RXFP1: variants seen among roughly 807,000 people sequenced by gnomAD.
The protein encoded by RXFP1 is relaxin family peptide receptor 1, also known as relaxin receptor 1.
Under a neutral mutation model 89.8 loss-of-function variants are expected in RXFP1, and 73 were observed. That is an observed-to-expected ratio of 0.81 (90% confidence interval 0.67 to 0.99). RXFP1 has a LOEUF of 0.99. Among genes scored for constraint, RXFP1 ranks in the 50% least tolerant of loss-of-function variants. The probability of loss-of-function intolerance (pLI) is 0.00; values close to 1 mark genes in which losing one functional copy is unlikely to be tolerated. For missense variants in RXFP1, 793 were observed against 895.5 expected, an observed-to-expected ratio of 0.89 and a Z score of 1.46; for synonymous variants, 277 against 305.5, an observed-to-expected ratio of 0.91 and a Z score of 0.97.
Position 158,527,840 on chromosome 4 carries a change from A to G in RXFP1, c.49+5815A>G, listed in dbSNP as rs143923699. On this transcript the variant is annotated intron_variant, in intron 1 of 17. Transcript: ENST00000307765. ...TTTCACATAGAAAGAAACTAAGGCCATATAGCTGTGTTCCCTTTAGTTTTC... is the reference window on the plus strand; with the variant it reads ...TTTCACATAGAAAGAAACTAAGGCCGTATAGCTGTGTTCCCTTTAGTTTTC... 3.3e-5 allele frequency among the ~76,000 whole-genome samples: 5 copies of G among 152,232 alleles called. No homozygotes were observed. The East Asian group carries it at 9.6e-4, about 29-fold the overall frequency.
intron 14 of RXFP1, among the ~76,000 whole-genome samples, chr4:158,643,509 C>T: frequency 8.9e-6 from 1 of 112,242 alleles, no homozygotes; most frequent in African/African-American, 3.4e-5. Context: ...CTCTCTTTGT[C>T]ACCCAGGCTG....
intron 1 of RXFP1, among the ~76,000 whole-genome samples, chr4:158,571,915 G>A (rs1755150900): frequency 6.6e-6 from 1 of 152,178 alleles, no homozygotes; most frequent in African/African-American, 2.4e-5. Flanking sequence ...TCACAGCACT[G>A]GCCAGGTAAA....
intron 8 of RXFP1, among the ~76,000 whole-genome samples, chr4:158,615,854 A>C (rs1395621076): frequency 6.6e-6 from 1 of 152,148 alleles, no homozygotes; most frequent in East Asian, 1.9e-4. Context: ...CAGGGGGCTG[A>C]GACAGGAGAA....
At chr4:158,594,425 T>C (rs1337397564) in intron 3 of RXFP1, among the ~76,000 whole-genome samples, 1 of 152,158 alleles carries the variant, frequency 6.6e-6, no homozygotes, top group East Asian at 1.9e-4. Flanking sequence ...GTGGTGCTGG[T>C]TGTGGTGGTG....
intron 10 of RXFP1, among the ~76,000 whole-genome samples, chr4:158,627,622 G>C (rs1325908690): frequency 6.6e-6 from 1 of 150,602 alleles, no homozygotes; most frequent in Non-Finnish European, 1.5e-5. Flanking sequence ...CATTATCCTA[G>C]ACTACACAGG....
chr4:158,569,094 A>G (rs1561031255), intron 1 of RXFP1, among the ~76,000 whole-genome samples: 1 of 152,220 alleles, frequency 6.6e-6, no homozygotes, highest in Non-Finnish European at 1.5e-5. Context: ...CAACACAAAA[A>G]CCTGCACACA....
intron 2 of RXFP1, among the ~76,000 whole-genome samples, chr4:158,591,283 G>A (rs142532055): frequency 6.0e-4 from 91 of 152,256 alleles, no homozygotes; most frequent in African/African-American, 7.9e-4. Flanking sequence ...TATATATGCC[G>A]ACTCTTTCAA....
At chr4:158,545,293 GTTGT>G (rs1268692303) in intron 1 of RXFP1, among the ~76,000 whole-genome samples, 1 of 152,038 alleles carries the variant, frequency 6.6e-6, no homozygotes, top group East Asian at 1.9e-4. Context: ...TTTTGATGGG[GTTGT>G]TTGTTTTTTT....
intron 1 of RXFP1, among the ~76,000 whole-genome samples, chr4:158,553,197 T>C (rs1750550847): frequency 6.6e-6 from 1 of 152,038 alleles, no homozygotes; most frequent in Non-Finnish European, 1.5e-5. Flanking sequence ...TCTTAAAAAA[T>C]AACAATATCA....
rs868603234 is a variant in RXFP1 at position 158,616,690 on chromosome 4, T to G, written c.681-441T>G. 1.3e-4 allele frequency among the ~76,000 whole-genome samples: 19 copies of G among 150,136 alleles called. 1 individual carries two copies. The highest frequency in any genetic ancestry group is 4.6e-4 in the African/African-American group (19 of 41,184). On this transcript the variant is annotated intron_variant, in intron 8 of 17. Transcript: ENST00000307765. ...TAAATATAGTTAGATTATAATTAAATTATAATTTAAATAAAATTAGAGGGA... is the reference window on the plus strand; with the variant it reads ...TAAATATAGTTAGATTATAATTAAAGTATAATTTAAATAAAATTAGAGGGA...
rs926599070 is a variant in RXFP1 at position 158,531,522 on chromosome 4, G to A, written c.49+9497G>A. Among the ~76,000 whole-genome samples, 11 of 152,126 alleles carry A rather than the reference G, an allele frequency of 7.2e-5. 1 individual carries two copies. Among genetic ancestry groups the A allele is most frequent in the Non-Finnish European group, 8.8e-5 (6 of 68,034 alleles). ...ATTTTTTCAGGAGAATCCACCCTTCGGTTTTTGTCCTTTTTTTCCTCAGAA... is the reference window on the plus strand; with the variant it reads ...ATTTTTTCAGGAGAATCCACCCTTCAGTTTTTGTCCTTTTTTTCCTCAGAA... On this transcript the variant is annotated intron_variant, in intron 1 of 17. Coordinates refer to ENST00000307765, the MANE Select transcript of RXFP1 (RefSeq NM_021634.4).
intron 9 of RXFP1, among the ~76,000 whole-genome samples, chr4:158,617,426 A>AAAT (rs975508767): frequency 1.1e-4 from 16 of 149,246 alleles, no homozygotes; most frequent in African/African-American, 3.7e-4. Context: ...TCTCAAAAAA[A>AAAT]ATATATATAT....
chr4:158,626,317 A>G (rs1330694932), intron 9 of RXFP1, among the ~76,000 whole-genome samples: 1 of 152,090 alleles, frequency 6.6e-6, no homozygotes, highest in Non-Finnish European at 1.5e-5. Flanking sequence ...AAGATTATTG[A>G]GGATTTTTTC....
chr4:158,600,839 G>T (rs1761550407), intron 4 of RXFP1, among the ~76,000 whole-genome samples: 1 of 148,786 alleles, frequency 6.7e-6, no homozygotes. Context: ...AAAAAAAAAA[G>T]AATTTATGAT....
At chr4:158,614,469 T>G (rs1357206736) in intron 8 of RXFP1, among the ~76,000 whole-genome samples, 2 of 152,370 alleles carry the variant, frequency 1.3e-5, no homozygotes, top group Middle Eastern at 3.4e-3. Context: ...GCTTCTCTAT[T>G]AGTACTTCCT....
rs765885050 is a variant in RXFP1, at chr4:158,648,732, A to C, written c.1975+15A>C. The C allele has an allele frequency of 5.7e-6, 8 of 1,405,678 alleles. No homozygotes were observed. Among genetic ancestry groups the C allele is most frequent in the Non-Finnish European group, 6.9e-6 (7 of 1,009,856 alleles). The allele number at this position is 1,405,678 out of a possible 1,614,324, so 87.1% of individuals were successfully genotyped here. A position where few individuals can be genotyped will look rare whatever the true frequency, so the allele number is the denominator to read the frequency against. ...AGAAATACCAGGTACAATATTTTTT[A>C]ATCTCCTTAAAGAAATAATAAATCT... is the stretch of plus-strand genomic sequence containing the variant. On this transcript the variant is annotated intron_variant, in intron 17 of 17. Coordinates refer to ENST00000307765, the MANE Select transcript of RXFP1 (RefSeq NM_021634.4).
At chr4:158,628,733 G>T in intron 11 of RXFP1, 24 bp downstream of exon 11, 1 of 1,318,818 alleles carries the variant, frequency 7.6e-7, no homozygotes, top group Non-Finnish European at 1.1e-6. Flanking sequence ...AACATATACT[G>T]ATAAGAATTT....
chr4:158,556,128 C>G (rs1029034997), intron 1 of RXFP1, among the ~76,000 whole-genome samples: 1 of 150,372 alleles, frequency 6.7e-6, no homozygotes, highest in Non-Finnish European at 1.5e-5. Context: ...AAACTATTAA[C>G]AGAGTGAAAA....
At position 158,612,354 on chromosome 4, in the gene RXFP1, T is replaced by C. The variant is rs1338715857; in HGVS notation, c.672T>C (p.Leu224=). ...SPPTFYGLNS[L]ILLVLMNNVL... ...CAACATTTTATGGACTAAATTCTCT[T>C]ATTCTCTTGTAAGTACTAAACTAAA... Residue 224 remains leucine, a synonymous_variant, in exon 8 of 18, where the codon CTT becomes CTC. Transcript: ENST00000307765. 6.2e-7 allele frequency: 1 copy of C among 1,602,582 alleles called. No homozygotes were observed. Among genetic ancestry groups the C allele is most frequent in the Non-Finnish European group, 8.5e-7 (1 of 1,170,858 alleles).
Sources: allele counts gnomAD v4.1 joint callset (sites outside exome capture counted in the v4.1 genomes callset), GRCh38; gene constraint gnomAD v4.1.1; transcripts MANE v1.5; gene names NCBI Gene and HGNC (gene_info 2026-07-23, HGNC 2026-07-21).